FAAH2: variants seen among roughly 807,000 people sequenced by gnomAD.
FAAH2 encodes fatty acid amide hydrolase 2.
FAAH2 carries 60 observed loss-of-function variants against 36.9 expected under a neutral mutation model. That is an observed-to-expected ratio of 1.63 (90% CI 1.32 to 2.02). The LOEUF (loss-of-function observed/expected upper bound fraction) is 2.02. FAAH2 is among the 30% of genes most tolerant of loss of function. FAAH2 has a pLI of 0.00. For synonymous variants in FAAH2, 214 were observed against 143.8 expected (o/e 1.49, Z -3.49); for missense variants, 689 against 397.5 (o/e 1.73, Z -6.23).
intron 3 of FAAH2, among the ~76,000 whole-genome samples, chrX:57,313,056 A>G (rs1269274824): frequency 1.8e-5 from 2 of 111,902 alleles, no homozygotes; most frequent in Non-Finnish European, 3.8e-5. Context: ...CAGAGCTTCT[A>G]GAAATTAAAG....
the FAAH2 span, among the ~76,000 whole-genome samples, chrX:57,203,032 C>G: frequency 2.7e-5 from 3 of 111,783 alleles, no homozygotes; most frequent in African/African-American, 9.8e-5. Context: ...GACACCAGCT[C>G]AGTGGTGGAG....
chrX:57,153,930 C>G, the FAAH2 span, among the ~76,000 whole-genome samples: 68 of 112,544 alleles, frequency 6.0e-4, no homozygotes, highest in South Asian at 0.021. Flanking sequence ...GGATGTTTTA[C>G]TTGAATATTC....
intron 9 of FAAH2, among the ~76,000 whole-genome samples, chrX:57,447,334 T>C (rs2056695811): frequency 9.0e-6 from 1 of 111,267 alleles, no homozygotes; most frequent in Non-Finnish European, 1.9e-5. Context: ...TTTCTGGGTG[T>C]ACTGTGCAAG....
chrX:57,243,860 C>T, the FAAH2 span, among the ~76,000 whole-genome samples: 4 of 110,228 alleles, frequency 3.6e-5, no homozygotes, highest in African/African-American at 1.3e-4. Context: ...ATCACAATTC[C>T]TTTTCAGCAA....
chrX:57,480,571 G>C (rs770244477), intron 10 of FAAH2, among the ~76,000 whole-genome samples: 1 of 111,947 alleles, frequency 8.9e-6, no homozygotes, highest in Non-Finnish European at 1.9e-5. Context: ...TGCCCCCACT[G>C]TCTTTAGGCT....
At chrX:57,194,720 C>A in the FAAH2 span, among the ~76,000 whole-genome samples, 1 of 110,544 alleles carries the variant, frequency 9.0e-6, no homozygotes, top group African/African-American at 3.3e-5. Flanking sequence ...AATGTGTAAT[C>A]TTTTATCCCT....
intron 5 of FAAH2, among the ~76,000 whole-genome samples, chrX:57,349,549 T>TTA (rs755425867): frequency 7.3e-4 from 76 of 103,950 alleles, no homozygotes; most frequent in Admixed American, 3.2e-3. Context: ...TTTAAATGTT[T>TTA]TATATATATA....
rs141348860 is a variant in FAAH2, at chrX:57,316,748, A to C, written c.412+6019A>C. On this transcript the variant is annotated intron_variant, in intron 3 of 10. Transcript: ENST00000374900. ...TCAAAATAGATAAATATTTAAATGT[A>C]AGACGTCAAACTCTAAAAAAGTTGA... Among the ~76,000 whole-genome samples the C allele has an allele frequency of 2.7e-5, 3 of 111,452 alleles. No individual in the cohort carries two copies. In the East Asian group the frequency reaches 8.4e-4, roughly 31 times the overall value.
the FAAH2 span, chrX:57,229,201 A>G: frequency 8.9e-6 from 1 of 112,408 alleles, no homozygotes; most frequent in African/African-American, 3.2e-5. Context: ...CACTTGGACT[A>G]TCGCTCATCT....
the FAAH2 span, among the ~76,000 whole-genome samples, chrX:57,221,905 A>G: frequency 3.4e-3 from 378 of 110,520 alleles, 3 homozygotes; most frequent in African/African-American, 0.012. Context: ...TCTGTAGCTT[A>G]TCCCTAAAGC....
the FAAH2 span, among the ~76,000 whole-genome samples, chrX:57,163,914 G>C: frequency 1.8e-5 from 2 of 112,015 alleles, no homozygotes; most frequent in Non-Finnish European, 3.8e-5. Flanking sequence ...ACCGATGTAT[G>C]GTCAAATTAA....
At chrX:57,462,448 A>T (rs1402100897) in intron 10 of FAAH2, among the ~76,000 whole-genome samples, 1 of 111,826 alleles carries the variant, frequency 8.9e-6, no homozygotes, top group Non-Finnish European at 1.9e-5. Flanking sequence ...CACATCAAAA[A>T]GCTTATCCAT....
chrX:57,175,879 A>T, the FAAH2 span, among the ~76,000 whole-genome samples: 9 of 112,112 alleles, frequency 8.0e-5, no homozygotes, highest in African/African-American at 2.9e-4. Context: ...ATTCTGTTTA[A>T]GAAGGCTAAA....
At chrX:57,430,214 A>T (rs2056262453) in intron 7 of FAAH2, among the ~76,000 whole-genome samples, 1 of 111,887 alleles carries the variant, frequency 8.9e-6, no homozygotes, top group South Asian at 3.7e-4. Context: ...TCTATTGTTC[A>T]CCTGACCTCC....
chrX:57,348,506 C>G (rs1424733733), intron 5 of FAAH2, among the ~76,000 whole-genome samples: 1 of 111,099 alleles, frequency 9.0e-6, no homozygotes, highest in Admixed American at 9.6e-5. Context: ...CCTGGAACCA[C>G]CAATGTGGGT....
At chrX:57,221,626 CA>C in the FAAH2 span, among the ~76,000 whole-genome samples, 1 of 111,563 alleles carries the variant, frequency 9.0e-6, no homozygotes, top group East Asian at 2.8e-4. Context: ...GCTCATTAAC[CA>C]AGCTGTACTC....
chrX:57,235,710 G>T, the FAAH2 span, among the ~76,000 whole-genome samples: 1 of 111,637 alleles, frequency 9.0e-6, no homozygotes. Context: ...TCTTTATTTT[G>T]TTTATAATTG....
At chrX:57,461,901 G>T (rs1440821982) in intron 10 of FAAH2, among the ~76,000 whole-genome samples, 2 of 110,275 alleles carry the variant, frequency 1.8e-5, no homozygotes, top group Non-Finnish European at 3.8e-5. Flanking sequence ...TAGACCACTT[G>T]CCAGACTAAT....
At chrX:57,379,003 G>C (rs968742781) in intron 6 of FAAH2, among the ~76,000 whole-genome samples, 1 of 111,685 alleles carries the variant, frequency 9.0e-6, no homozygotes, top group Non-Finnish European at 1.9e-5. Flanking sequence ...ACAAAGAGAG[G>C]CCTTATTTTT....
Sources: gnomAD v4.1 joint callset for allele counts (sites outside exome capture counted in the v4.1 genomes callset) on GRCh38, gnomAD v4.1.1 for gene constraint, MANE v1.5 for transcripts, NCBI Gene and HGNC (gene_info 2026-07-23, HGNC 2026-07-21) for gene names.